ZMAT5: variants seen among roughly 807,000 people sequenced by gnomAD.
The protein encoded by ZMAT5 is zinc finger matrin-type protein 5.
A neutral mutation model predicts 28.0 loss-of-function variants in ZMAT5; 23 were observed. The ratio of observed to expected loss-of-function variants is 0.82; its 90% CI spans 0.59 to 1.16. The LOEUF is 1.16. Among genes scored for constraint, ZMAT5 ranks in the 50% most tolerant of loss-of-function variants. The pLI is 0.00. For synonymous variants in ZMAT5, 76 were observed against 84.1 expected, an observed-to-expected ratio of 0.90 and a Z score of 0.52; for missense variants, 173 against 212.7, an observed-to-expected ratio of 0.81 and a Z score of 1.16.
At chr22:29,764,503 T>C (rs1380579398) in intron 1 of ZMAT5, among the ~76,000 whole-genome samples, 2 of 152,152 alleles carry the variant, frequency 1.3e-5, no homozygotes, top group Non-Finnish European at 2.9e-5. Context: ...ATCCAATCCC[T>C]AGTTTTTGTT....
chr22:29,737,104 C>T (rs558154757), intron 5 of ZMAT5, among the ~76,000 whole-genome samples: 5 of 151,174 alleles, frequency 3.3e-5, no homozygotes, highest in African/African-American at 9.7e-5. Context: ...CCGAGGCAGG[C>T]GGATCACCTG....
intron 1 of ZMAT5, among the ~76,000 whole-genome samples, chr22:29,753,088 G>C (rs2068068941): frequency 6.6e-6 from 1 of 152,164 alleles, no homozygotes; most frequent in African/African-American, 2.4e-5. Flanking sequence ...TTCTGTGCCT[G>C]GGGAGGCTGT....
chr22:29,764,530 G>C (rs1238973267), intron 1 of ZMAT5, among the ~76,000 whole-genome samples: 1 of 152,048 alleles, frequency 6.6e-6, no homozygotes, highest in African/African-American at 2.4e-5. Flanking sequence ...GTTTTCATTT[G>C]AGCTCCATCA....
At chr22:29,752,618 T>C (rs1347987951) in intron 1 of ZMAT5, among the ~76,000 whole-genome samples, 1 of 152,178 alleles carries the variant, frequency 6.6e-6, no homozygotes, top group East Asian at 1.9e-4. Context: ...AGTTTCCCCA[T>C]GTGGGAAGCT....
chr22:29,740,085 G>A (rs1325665330), intron 4 of ZMAT5, among the ~76,000 whole-genome samples: 2 of 152,230 alleles, frequency 1.3e-5, no homozygotes, highest in African/African-American at 4.8e-5. Context: ...TGTTCAGTGA[G>A]AGGCTGTGGA....
At position 29,738,432 on chromosome 22, in the gene ZMAT5, C is replaced by T. The variant is rs1276287888; in HGVS notation, c.281G>A (p.Arg94Gln). Residue 94 changes from arginine (R) to glutamine (Q), a missense_variant, in exon 5 of 6, where the codon CGA (arginine) becomes CAA (glutamine). Physicochemically the swap from Arg to Gln is conservative, Grantham distance 43. Transcript: ENST00000344318. ...ELSIQVEEER[R>Q]AREWLLDAPE... ...AGCATCTAGTAGCCACTCCCTGGCT[C>T]GCCTCTCCTCTGTGGGGACAGGGAG... 5 of 1,610,068 alleles carry T rather than the reference C, an allele frequency of 3.1e-6. No individual in the cohort carries two copies. Among genetic ancestry groups the T allele is most frequent in the Middle Eastern group, 1.6e-4 (1 of 6,084 alleles).
intron 1 of ZMAT5, among the ~76,000 whole-genome samples, chr22:29,761,707 T>C (rs1569341974): frequency 6.6e-6 from 1 of 152,158 alleles, no homozygotes; most frequent in Non-Finnish European, 1.5e-5. Context: ...AAATGTGATA[T>C]GTTGAGTGTC....
At chr22:29,759,370 T>C (rs2068133602) in intron 1 of ZMAT5, among the ~76,000 whole-genome samples, 1 of 152,178 alleles carries the variant, frequency 6.6e-6, no homozygotes, top group South Asian at 2.1e-4. Context: ...TCCTCACATC[T>C]GGACAGCCCC....
At chr22:29,736,795 C>G (rs957155668) in intron 5 of ZMAT5, among the ~76,000 whole-genome samples, 1 of 147,248 alleles carries the variant, frequency 6.8e-6, no homozygotes, top group Non-Finnish European at 1.5e-5. Flanking sequence ...GAGGCTGAGG[C>G]GGGTGGATCA....
At chr22:29,765,895 A>T (rs1366933420) in intron 1 of ZMAT5, among the ~76,000 whole-genome samples, 1 of 152,078 alleles carries the variant, frequency 6.6e-6, no homozygotes, top group East Asian at 1.9e-4. Context: ...TCTTCCCTCA[A>T]ATGATCTACT....
intron 5 of ZMAT5, among the ~76,000 whole-genome samples, chr22:29,734,067 A>G (rs930441287): frequency 1.3e-5 from 2 of 152,206 alleles, no homozygotes; most frequent in African/African-American, 4.8e-5. Flanking sequence ...ATGGGCCAGG[A>G]TGGCAGCGCC....
intron 5 of ZMAT5, among the ~76,000 whole-genome samples, chr22:29,732,464 G>T (rs1360109855): frequency 6.6e-6 from 1 of 152,174 alleles, no homozygotes; most frequent in Non-Finnish European, 1.5e-5. Context: ...TTGGCCGGGC[G>T]CAGTGACTCA....
intron 1 of ZMAT5, among the ~76,000 whole-genome samples, chr22:29,750,780 A>G (rs1167359785): frequency 2.6e-5 from 4 of 152,200 alleles, no homozygotes. Flanking sequence ...ACCACAGTGG[A>G]CCAATGGGGG....
intron 2 of ZMAT5, among the ~76,000 whole-genome samples, chr22:29,743,271 G>A (rs2067980229): frequency 6.6e-6 from 1 of 152,184 alleles, no homozygotes. Flanking sequence ...CCACAGGCAA[G>A]ACTGCAATCC....
At chr22:29,756,355 C>T (rs1569340378) in intron 1 of ZMAT5, among the ~76,000 whole-genome samples, 2 of 152,310 alleles carry the variant, frequency 1.3e-5, no homozygotes, top group Middle Eastern at 3.4e-3. Flanking sequence ...CGGAAGGAAG[C>T]GCCAAGGAAA....
At chr22:29,742,502 G>C in intron 2 of ZMAT5, 22 bp from the exon 3 acceptor site, 1 of 1,610,738 alleles carries the variant, frequency 6.2e-7, no homozygotes, top group African/African-American at 1.3e-5. Context: ...GAGAGGGACG[G>C]GATTCGGATG....
intron 5 of ZMAT5, among the ~76,000 whole-genome samples, chr22:29,736,151 C>A (rs2067902223): frequency 6.6e-6 from 1 of 152,234 alleles, no homozygotes; most frequent in South Asian, 2.1e-4. Context: ...GCTTTCTGGG[C>A]AGCCTCCAAC....
chr22:29,744,649 G>A (rs1042945624), intron 2 of ZMAT5, among the ~76,000 whole-genome samples: 2 of 152,188 alleles, frequency 1.3e-5, no homozygotes, highest in Non-Finnish European at 2.9e-5. Context: ...AAGGGGCTGT[G>A]CCAGGTGGCT....
intron 5 of ZMAT5, among the ~76,000 whole-genome samples, chr22:29,736,719 CAAAAAAAAAAA>C (rs35069848): frequency 1.2e-4 from 3 of 25,264 alleles, no homozygotes; most frequent in African/African-American, 3.6e-4. Flanking sequence ...GACTCCATCT[CAAAAAAAAAAA>C]AAAAAAAAAA....
Sources: allele counts gnomAD v4.1 joint callset (sites outside exome capture counted in the v4.1 genomes callset), GRCh38; gene constraint gnomAD v4.1.1; transcripts MANE v1.5; gene names NCBI Gene and HGNC (gene_info 2026-07-23, HGNC 2026-07-21).